Variants in PPP4R2 observed in about 807,000 individuals in gnomAD.
The protein encoded by PPP4R2 is protein phosphatase 4 regulatory subunit 2, also known as serine/threonine-protein phosphatase 4 regulatory subunit 2.
PPP4R2 carries 13 observed loss-of-function variants against 47.2 expected under a neutral mutation model. The observed-to-expected ratio is 0.28, with a 90% CI of 0.18 to 0.44. PPP4R2 has a LOEUF of 0.44. PPP4R2 is among the 20% of genes least tolerant of loss of function. The probability of loss-of-function intolerance (pLI) is 1.00; values close to 1 mark genes in which losing one functional copy is unlikely to be tolerated. For missense variants in PPP4R2, 421 were observed against 491.2 expected (o/e 0.86, Z 1.35); for synonymous variants, 151 against 163.3 (o/e 0.92, Z 0.57).
At chr3:73,048,543 C>G (rs925611124) in intron 3 of PPP4R2, among the ~76,000 whole-genome samples, 7 of 152,228 alleles carry the variant, frequency 4.6e-5, no homozygotes, top group Admixed American at 4.6e-4. Context: ...CGTGAGCCCC[C>G]GCGCCCAGCC....
chr3:73,033,758 A>G (rs905428665), intron 2 of PPP4R2, among the ~76,000 whole-genome samples: 7 of 152,170 alleles, frequency 4.6e-5, no homozygotes, highest in African/African-American at 1.4e-4. Flanking sequence ...TAGGTACCTC[A>G]CTTAAGTGAC....
intron 2 of PPP4R2, among the ~76,000 whole-genome samples, chr3:73,001,707 C>T (rs1258141292): frequency 2.0e-5 from 3 of 152,236 alleles, no homozygotes; most frequent in East Asian, 1.9e-4. Flanking sequence ...GGCGCGATCT[C>T]GGCTCACTTC....
intron 4 of PPP4R2, among the ~76,000 whole-genome samples, chr3:73,059,987 T>C (rs937724946): frequency 6.6e-6 from 1 of 151,230 alleles, no homozygotes; most frequent in Non-Finnish European, 1.5e-5. Flanking sequence ...TCAAGGTGTT[T>C]AAGGGAATGA....
intron 2 of PPP4R2, among the ~76,000 whole-genome samples, chr3:73,025,628 G>A (rs1702048973): frequency 6.6e-6 from 1 of 152,146 alleles, no homozygotes; most frequent in Non-Finnish European, 1.5e-5. Flanking sequence ...GTGCAAGGAG[G>A]CATTTCAACT....
At chr3:73,000,012 G>C (rs1701426582) in intron 2 of PPP4R2, among the ~76,000 whole-genome samples, 1 of 152,182 alleles carries the variant, frequency 6.6e-6, no homozygotes, top group African/African-American at 2.4e-5. Context: ...ATGTGAGATT[G>C]TAACGAGAGA....
In PPP4R2 at chr3:73,067,551, T is replaced by G. The variant is rs544798550; in HGVS notation, c.*1829T>G. Reference sequence around the variant, plus strand: ...AAGAGGGGAGAAAAATTAACCATTGTAAATTTTTAAAAAATTTTTCAAAAA... The same window carrying G: ...AAGAGGGGAGAAAAATTAACCATTGGAAATTTTTAAAAAATTTTTCAAAAA... On this transcript the variant is annotated 3_prime_UTR_variant, in exon 9 of 9. Coordinates refer to ENST00000356692, the MANE Select transcript of PPP4R2 (RefSeq NM_174907.4). The G allele has an allele frequency of 1.3e-5, 2 of 152,176 alleles. No individual in the cohort carries two copies. Among genetic ancestry groups the G allele is most frequent in the Non-Finnish European group, 2.9e-5 (2 of 67,986 alleles). 9.4% of individuals were successfully genotyped at this position (152,176 alleles called of 1,614,324 possible). A position where few individuals can be genotyped will look rare whatever the true frequency, so the allele number is the denominator to read the frequency against.
At chr3:73,040,866 A>G (rs959424963) in intron 2 of PPP4R2, among the ~76,000 whole-genome samples, 1 of 152,202 alleles carries the variant, frequency 6.6e-6, no homozygotes, top group Non-Finnish European at 1.5e-5. Context: ...TACGTGGTGC[A>G]GTTAAAAATC....
rs546457463 is a variant in PPP4R2, at chr3:73,028,630, G to A, written c.117-18556G>A. Among the ~76,000 whole-genome samples the A allele has an allele frequency of 5.8e-4, 88 of 152,112 alleles. 1 individual carries two copies. The East Asian group carries it at 0.014, about 24-fold the overall frequency. ...TAATTGTTGTATTTTTGGTAGAGAC[G>A]GAGTTTCACCATGTTGACCAGGATG... On this transcript the variant is annotated intron_variant, in intron 2 of 8. Coordinates refer to ENST00000356692, the MANE Select transcript of PPP4R2 (RefSeq NM_174907.4).
chr3:73,064,107 A>G lies in PPP4R2; in HGVS notation c.599A>G (p.Lys200Arg), dbSNP rs1208962421. ...TNGLPESTDSKEANLQQNEEK... is the reference protein window; with the variant it reads ...TNGLPESTDSREANLQQNEEK... ...GGGTTGCCTGAGAGCACAGACAGCAAAGAGGCAAATTTGCAGCAAAATGAG... is the reference window on the plus strand; with the variant it reads ...GGGTTGCCTGAGAGCACAGACAGCAGAGAGGCAAATTTGCAGCAAAATGAG... Residue 200 changes from lysine to arginine, a missense_variant, in exon 7 of 9, where the codon AAA becomes AGA. By Grantham distance (26) the Lys-to-Arg change is conservative. Coordinates refer to ENST00000356692, the MANE Select transcript of PPP4R2 (RefSeq NM_174907.4). 2 of 1,612,710 alleles carry G rather than the reference A, an allele frequency of 1.2e-6. No individual in the cohort carries two copies. The highest frequency in any genetic ancestry group is 1.7e-6 in the Non-Finnish European group (2 of 1,179,638).
At chr3:73,023,184 T>C (rs1559553766) in intron 2 of PPP4R2, among the ~76,000 whole-genome samples, 1 of 151,874 alleles carries the variant, frequency 6.6e-6, no homozygotes, top group African/African-American at 2.4e-5. Flanking sequence ...TCTTTTCCTT[T>C]TTTTTGTTTT....
At position 73,065,750 on chromosome 3, in the gene PPP4R2, T is replaced by C. The variant is rs762624751; in HGVS notation, c.*28T>C. ...ATTTAGAAACATTTAGATGCAGTAT[T>C]TTACATACAGTTCTGGTTTTAACAC... On this transcript the variant is annotated 3_prime_UTR_variant, in exon 9 of 9. Transcript: ENST00000356692. 6.7e-7 allele frequency: 1 copy of C among 1,484,980 alleles called. No homozygotes were observed. The highest frequency in any genetic ancestry group is 9.2e-7 in the Non-Finnish European group (1 of 1,090,862). 92.0% of individuals were successfully genotyped at this position (1,484,980 alleles called of 1,614,324 possible).
At chr3:73,041,745 C>A (rs1315258585) in intron 2 of PPP4R2, among the ~76,000 whole-genome samples, 2 of 152,222 alleles carry the variant, frequency 1.3e-5, no homozygotes, top group East Asian at 3.8e-4. Context: ...CTTAGTAGAA[C>A]TGGAAATGTT....
At chr3:73,000,144 G>T (rs1431379566) in intron 2 of PPP4R2, among the ~76,000 whole-genome samples, 1 of 152,114 alleles carries the variant, frequency 6.6e-6, no homozygotes, top group Non-Finnish European at 1.5e-5. Context: ...CAGCACTTTG[G>T]GAAACAGTGG....
intron 2 of PPP4R2, among the ~76,000 whole-genome samples, chr3:73,046,150 C>G (rs1460753553): frequency 6.6e-6 from 1 of 152,152 alleles, no homozygotes; most frequent in Non-Finnish European, 1.5e-5. Flanking sequence ...CTGACTCTTG[C>G]TACATGGATT....
rs764621405 is a variant in PPP4R2, at chr3:72,996,908, C to G, written c.-130C>G. 4.6e-5 allele frequency: 26 copies of G among 566,126 alleles called. No homozygotes were observed. Among genetic ancestry groups the G allele is most frequent in the East Asian group, 2.1e-4 (6 of 28,686 alleles). 35.1% of individuals were successfully genotyped at this position (566,126 alleles called of 1,614,324 possible). On this transcript the variant is annotated 5_prime_UTR_variant, in exon 1 of 9. Coordinates refer to ENST00000356692, the MANE Select transcript of PPP4R2 (RefSeq NM_174907.4). ...GCTTCCCCCGGCTCCCTTCGTTTCC[C>G]CCCCCCGGTCGCCTGCGTGCCGGAG...
chr3:73,024,972 T>C (rs4677232), intron 2 of PPP4R2, among the ~76,000 whole-genome samples: 59,360 of 151,964 alleles, frequency 0.39, 12,049 homozygotes, highest in African/African-American at 0.45. Flanking sequence ...CAGCAGAAGT[T>C]GTTAGACTTG....
intron 3 of PPP4R2, among the ~76,000 whole-genome samples, chr3:73,048,575 T>G (rs1386374567): frequency 6.6e-6 from 1 of 152,196 alleles, no homozygotes. Flanking sequence ...TTTTTACGGT[T>G]TCCTTTATTG....
At chr3:73,014,309 A>G (rs1650625796) in intron 2 of PPP4R2, among the ~76,000 whole-genome samples, 1 of 84,794 alleles carries the variant, frequency 1.2e-5, no homozygotes, top group Admixed American at 1.1e-4. Context: ...TATTTTTGAG[A>G]CCGGGTCTCA....
chr3:73,016,725 C>T (rs1313106224), intron 2 of PPP4R2, among the ~76,000 whole-genome samples: 4 of 81,610 alleles, frequency 4.9e-5, no homozygotes, highest in South Asian at 9.4e-4. Context: ...TTTATTGGTT[C>T]ATTGTTTATT....
Sources: gnomAD v4.1 joint callset for allele counts (sites outside exome capture counted in the v4.1 genomes callset) on GRCh38, gnomAD v4.1.1 for gene constraint, MANE v1.5 for transcripts, NCBI Gene and HGNC (gene_info 2026-07-23, HGNC 2026-07-21) for gene names.